CNTNAP2: variants seen among roughly 807,000 people sequenced by gnomAD.
CNTNAP2 encodes contactin associated protein 2.
Under a neutral mutation model 155.2 loss-of-function variants are expected in CNTNAP2, and 98 were observed. That is an observed-to-expected ratio of 0.63 (90% CI 0.54 to 0.75). CNTNAP2 has a LOEUF of 0.75. Among genes scored for constraint, CNTNAP2 ranks in the 30% least tolerant of loss-of-function variants. The pLI, the probability that CNTNAP2 is intolerant of heterozygous loss-of-function variation, is 0.00. For missense variants in CNTNAP2, 1,727 were observed against 1,688.1 expected (o/e 1.02, Z -0.40); for synonymous variants, 651 against 631.2 (o/e 1.03, Z -0.47).
intron 12 of CNTNAP2, among the ~76,000 whole-genome samples, chr7:147,572,421 A>C (rs1321335881): frequency 7.2e-5 from 11 of 152,156 alleles, no homozygotes; most frequent in Non-Finnish European, 1.2e-4. Context: ...TAGGTATATC[A>C]CAGGTCACTC....
intron 8 of CNTNAP2, among the ~76,000 whole-genome samples, chr7:147,292,701 C>T (rs1026156349): frequency 6.6e-6 from 1 of 152,100 alleles, no homozygotes; most frequent in African/African-American, 2.4e-5. Flanking sequence ...ATTTGGGTGC[C>T]TGTAAGAAAA....
At chr7:147,662,195 A>T (rs76454739) in intron 13 of CNTNAP2, among the ~76,000 whole-genome samples, 1 of 152,220 alleles carries the variant, frequency 6.6e-6, no homozygotes, top group Non-Finnish European at 1.5e-5. Context: ...GCAACATTAC[A>T]CACTTTGCCC....
At chr7:146,974,820 G>A (rs2129234724) in intron 3 of CNTNAP2, among the ~76,000 whole-genome samples, 1 of 151,426 alleles carries the variant, frequency 6.6e-6, no homozygotes, top group African/African-American at 2.4e-5. Flanking sequence ...CCAACATGGT[G>A]AAATCCCATC....
chr7:146,539,015 C>A (rs114877316), intron 1 of CNTNAP2, among the ~76,000 whole-genome samples: 3,206 of 151,996 alleles, frequency 0.021, 113 homozygotes, highest in African/African-American at 0.072. Flanking sequence ...TACACGTAGC[C>A]CATTTTAAAG....
At chr7:147,677,327 A>G (rs777181314) in intron 13 of CNTNAP2, among the ~76,000 whole-genome samples, 47 of 151,852 alleles carry the variant, frequency 3.1e-4, no homozygotes, top group African/African-American at 7.2e-5. Context: ...ATTTAGAGTC[A>G]TGGCTCATTT....
At chr7:147,717,044 G>C (rs1796490240) in intron 13 of CNTNAP2, among the ~76,000 whole-genome samples, 1 of 151,826 alleles carries the variant, frequency 6.6e-6, no homozygotes, top group Non-Finnish European at 1.5e-5. Flanking sequence ...AAAATATTTT[G>C]ACAACAATAT....
chr7:147,484,486 A>G (rs566649064), intron 10 of CNTNAP2, among the ~76,000 whole-genome samples: 25 of 152,156 alleles, frequency 1.6e-4, no homozygotes, highest in Non-Finnish European at 3.2e-4. Flanking sequence ...TACTGTATCT[A>G]CTTCTATATG....
At chr7:147,869,228 T>C (rs1016660999) in intron 13 of CNTNAP2, among the ~76,000 whole-genome samples, 1 of 152,256 alleles carries the variant, frequency 6.6e-6, no homozygotes, top group Non-Finnish European at 1.5e-5. Context: ...ACTGTGTATA[T>C]GACACAGTGC....
At chr7:147,458,642 C>A (rs1194518413) in intron 10 of CNTNAP2, among the ~76,000 whole-genome samples, 8 of 152,138 alleles carry the variant, frequency 5.3e-5, no homozygotes, top group African/African-American at 1.9e-4. Flanking sequence ...CAAAGCACTG[C>A]CTGATAGTCT....
At chr7:148,387,607 C>T (rs532550262) in intron 22 of CNTNAP2, among the ~76,000 whole-genome samples, 3 of 152,152 alleles carry the variant, frequency 2.0e-5, no homozygotes, top group Non-Finnish European at 4.4e-5. Flanking sequence ...GGCCCCTCCC[C>T]ATACTGACTA....
intron 1 of CNTNAP2, among the ~76,000 whole-genome samples, chr7:146,642,310 C>A (rs1028933604): frequency 1.9e-5 from 2 of 104,160 alleles, no homozygotes; most frequent in African/African-American, 7.4e-5. Flanking sequence ...CCTCCCCCCT[C>A]CCCCCACCCC....
At chr7:146,717,704 G>A (rs1036748440) in intron 1 of CNTNAP2, among the ~76,000 whole-genome samples, 3 of 151,668 alleles carry the variant, frequency 2.0e-5, no homozygotes, top group African/African-American at 7.3e-5. Flanking sequence ...TTTATTCATT[G>A]AGTAGTGATG....
At chr7:148,243,464 G>A (rs1796196010) in intron 20 of CNTNAP2, among the ~76,000 whole-genome samples, 1 of 152,154 alleles carries the variant, frequency 6.6e-6, no homozygotes, top group Non-Finnish European at 1.5e-5. Context: ...AAAAGAAAAG[G>A]GTTTAATGGA....
At chr7:146,990,347 C>T (rs1399925321) in intron 3 of CNTNAP2, among the ~76,000 whole-genome samples, 2 of 152,144 alleles carry the variant, frequency 1.3e-5, no homozygotes, top group Non-Finnish European at 2.9e-5. Context: ...TTGAGACTCT[C>T]ACATGTATTA....
intron 2 of CNTNAP2, among the ~76,000 whole-genome samples, chr7:146,801,011 G>C (rs962386713): frequency 6.6e-6 from 1 of 152,066 alleles, no homozygotes; most frequent in African/African-American, 2.4e-5. Flanking sequence ...GGTCTGTTTT[G>C]CATTGTTATA....
intron 13 of CNTNAP2, among the ~76,000 whole-genome samples, chr7:147,748,954 T>A (rs1797090936): frequency 6.6e-6 from 1 of 152,188 alleles, no homozygotes; most frequent in South Asian, 2.1e-4. Context: ...GTCATCTACG[T>A]GGTTTATAGG....
rs191039947 is a variant in CNTNAP2, at chr7:147,503,259, A to G, written c.1777+17218A>G. 1.1e-4 allele frequency among the ~76,000 whole-genome samples: 17 copies of G among 152,204 alleles called. No individual in the cohort carries two copies. The East Asian group carries it at 2.9e-3, about 26-fold the overall frequency. On this transcript the variant is annotated intron_variant, in intron 11 of 23. Transcript: ENST00000361727. ...CTATTCTCTGCCTCCTTCTTCACACAGCCACGTTCCCTGGGTGTTTCTGTC... is the reference window on the plus strand; with the variant it reads ...CTATTCTCTGCCTCCTTCTTCACACGGCCACGTTCCCTGGGTGTTTCTGTC...
intron 1 of CNTNAP2, among the ~76,000 whole-genome samples, chr7:146,767,930 G>T (rs1179684792): frequency 6.6e-6 from 1 of 152,096 alleles, no homozygotes; most frequent in Non-Finnish European, 1.5e-5. Flanking sequence ...TAAGGAGCAT[G>T]CTGCTACCTC....
chr7:147,441,855 C>G (rs1298329053), intron 10 of CNTNAP2, among the ~76,000 whole-genome samples: 1 of 136,454 alleles, frequency 7.3e-6, no homozygotes, highest in Non-Finnish European at 1.6e-5. Flanking sequence ...CTCTCTCCCT[C>G]CCTCCCTCCC....
Sources: gnomAD v4.1 joint callset for allele counts (sites outside exome capture counted in the v4.1 genomes callset) on GRCh38, gnomAD v4.1.1 for gene constraint, MANE v1.5 for transcripts, NCBI Gene and HGNC (gene_info 2026-07-23, HGNC 2026-07-21) for gene names.